Variants in PDYN observed in about 807,000 individuals in gnomAD.
The protein encoded by PDYN is proenkephalin-B.
PDYN carries 5 observed loss-of-function variants against 11.4 expected under a neutral mutation model. The ratio of observed to expected loss-of-function variants is 0.44; its 90% CI spans 0.23 to 0.92. The LOEUF (loss-of-function observed/expected upper bound fraction) is 0.92. Among genes scored for constraint, PDYN ranks in the 40% least tolerant of loss-of-function variants. PDYN has a pLI of 0.24. For missense variants in PDYN, 337 were observed against 317.3 expected (o/e 1.06, Z -0.47); for synonymous variants, 132 against 129.5 (o/e 1.02, Z -0.13).
intron 2 of PDYN, among the ~76,000 whole-genome samples, chr20:1,984,864 A>C (rs1399348920): frequency 1.3e-5 from 2 of 151,784 alleles, no homozygotes; most frequent in Non-Finnish European, 2.9e-5. Flanking sequence ...GTGCCACTGC[A>C]CTCCAGCCTG....
chr20:1,982,888 T>C, intron 3 of PDYN, 68 bp downstream of exon 3: 1 of 1,564,838 alleles, frequency 6.4e-7, no homozygotes, highest in African/African-American at 1.4e-5. Context: ...GCCTGCAACC[T>C]CCCCTCTCTG....
chr20:1,982,469 T>C (rs1461737873), intron 3 of PDYN, among the ~76,000 whole-genome samples: 2 of 151,840 alleles, frequency 1.3e-5, no homozygotes, highest in Non-Finnish European at 2.9e-5. Flanking sequence ...GGAACTTAAC[T>C]CAAAGGAAAG....
rs991043698 is a variant in PDYN, at chr20:1,979,349, TG to T, written c.*973del. The T allele has an allele frequency of 6.6e-6, 1 of 152,390 alleles. No homozygotes were observed. Among genetic ancestry groups the T allele is most frequent in the African/African-American group, 2.4e-5 (1 of 41,448 alleles). The allele number at this position is 152,390 out of a possible 1,614,324, so 9.4% of individuals were successfully genotyped here. ...CAGCCAATTCAGCTGCTCAAGAACA[TG>T]GTTGTGCTTAACTTCATCAGCTTGA... On this transcript the variant is annotated 3_prime_UTR_variant, in exon 4 of 4. Transcript: ENST00000217305.
intron 3 of PDYN, among the ~76,000 whole-genome samples, chr20:1,982,164 G>A (rs1372914985): frequency 6.6e-6 from 1 of 151,412 alleles, no homozygotes; most frequent in Non-Finnish European, 1.5e-5. Context: ...GGCTGAGGCA[G>A]GAGAATCATT....
chr20:1,982,140 C>G (rs1275527512), intron 3 of PDYN, among the ~76,000 whole-genome samples: 1 of 149,588 alleles, frequency 6.7e-6, no homozygotes, highest in Admixed American at 6.6e-5. Context: ...GCCCATAGTC[C>G]CAGCCACTCG....
Position 1,979,034 on chromosome 20 carries a change from G to C in PDYN, c.*1289C>G, listed in dbSNP as rs1987549197. On this transcript the variant is annotated 3_prime_UTR_variant, in exon 4 of 4. Coordinates refer to ENST00000217305, the MANE Select transcript of PDYN (RefSeq NM_024411.5). The stretch of plus-strand genomic sequence containing the variant: ...CTGGACCCACAAACCAAAAGAGAGT[G>C]CCTGGGAATGAGAGAGCAAAAGAGA... 1.3e-5 allele frequency: 2 copies of C among 152,284 alleles called. No homozygotes were observed. The highest frequency in any genetic ancestry group is 3.4e-3 in the Middle Eastern group (1 of 294). 9.4% of individuals were successfully genotyped at this position (152,284 alleles called of 1,614,324 possible). A position where few individuals can be genotyped will look rare whatever the true frequency, so the allele number is the denominator to read the frequency against.
chr20:1,983,250 A>C, intron 2 of PDYN, 147 bp from the exon 3 acceptor site: 1 of 747,018 alleles, frequency 1.3e-6, no homozygotes, highest in South Asian at 1.8e-5. Flanking sequence ...ACAGAGGCCC[A>C]GGGAGGTAAA....
intron 2 of PDYN, among the ~76,000 whole-genome samples, chr20:1,989,969 T>C (rs1336443426): frequency 6.6e-6 from 1 of 152,038 alleles, no homozygotes; most frequent in Non-Finnish European, 1.5e-5. Context: ...GGGATCCAGA[T>C]GGGAAGGTGA....
intron 2 of PDYN, among the ~76,000 whole-genome samples, chr20:1,985,901 G>A (rs1007133582): frequency 6.6e-6 from 1 of 152,184 alleles, no homozygotes; most frequent in Non-Finnish European, 1.5e-5. Context: ...GATCAGCAGT[G>A]AATTAACCTA....
chr20:1,981,907 C>G lies in PDYN; in HGVS notation c.130-949G>C, dbSNP rs187207383. 6.9e-3 allele frequency among the ~76,000 whole-genome samples: 1,037 copies of G among 151,084 alleles called. 10 individuals carry two copies. Among genetic ancestry groups the G allele is most frequent in the Non-Finnish European group, 7.2e-3 (491 of 67,906 alleles). On this transcript the variant is annotated intron_variant, in intron 3 of 3. Transcript: ENST00000217305. ...TGCCACTGCACTCCAGCCTGGGCAA[C>G]AGAGCAAGACTCTGTCTCAAACAAA...
chr20:1,983,767 C>A (rs1214972797), intron 2 of PDYN, among the ~76,000 whole-genome samples: 1 of 152,212 alleles, frequency 6.6e-6, no homozygotes, highest in Non-Finnish European at 1.5e-5. Flanking sequence ...TGTGAACACA[C>A]CCATTGGGTG....
chr20:1,985,732 A>G (rs1367096949), intron 2 of PDYN, among the ~76,000 whole-genome samples: 2 of 151,990 alleles, frequency 1.3e-5, no homozygotes, highest in Non-Finnish European at 2.9e-5. Flanking sequence ...GGCTCAGTGG[A>G]AAAGTCAGGG....
At chr20:1,984,821 C>T (rs2122354307) in intron 2 of PDYN, among the ~76,000 whole-genome samples, 1 of 152,140 alleles carries the variant, frequency 6.6e-6, no homozygotes, top group Non-Finnish European at 1.5e-5. Context: ...ATCATTTGAA[C>T]CCAGGAGGAA....
chr20:1,986,786 A>T (rs1467131611), intron 2 of PDYN, among the ~76,000 whole-genome samples: 1 of 152,176 alleles, frequency 6.6e-6, no homozygotes. Flanking sequence ...ACCACCTGCA[A>T]TTTCAAAACA....
chr20:1,983,867 C>T (rs998581140), intron 2 of PDYN, among the ~76,000 whole-genome samples: 1 of 152,214 alleles, frequency 6.6e-6, no homozygotes. Flanking sequence ...CCAACCACAT[C>T]AGCTTCTTGC....
In PDYN at chr20:1,980,356, C is replaced by G. The variant is rs141248791; in HGVS notation, c.732G>C (p.Pro244=). The change falls in exon 4 of 4, where the codon CCG becomes CCC. Residue 244 remains proline, a synonymous_variant. Coordinates refer to ENST00000217305, the MANE Select transcript of PDYN (RefSeq NM_024411.5). ...CAAAAAGCTCTCCAGAGTAAGCATTCGGATCTTCCTGAGACCGAGTCACCA... is the reference window on the plus strand; with the variant it reads ...CAAAAAGCTCTCCAGAGTAAGCATTGGGATCTTCCTGAGACCGAGTCACCA... ...FKVVTRSQED[P]NAYSGELFDA 1 of 1,614,146 alleles carries G rather than the reference C, an allele frequency of 6.2e-7. No individual in the cohort carries two copies. Among genetic ancestry groups the G allele is most frequent in the Non-Finnish European group, 8.5e-7 (1 of 1,180,034 alleles).
intron 2 of PDYN, among the ~76,000 whole-genome samples, chr20:1,986,881 C>A (rs542424621): frequency 1.3e-5 from 2 of 152,324 alleles, no homozygotes; most frequent in East Asian, 3.9e-4. Context: ...CTCATCCACT[C>A]CCATCACACT....
chr20:1,987,245 A>T (rs2122372542), intron 2 of PDYN, among the ~76,000 whole-genome samples: 2 of 135,916 alleles, frequency 1.5e-5, no homozygotes, highest in South Asian at 5.4e-4. Flanking sequence ...AGTTTGAGTG[A>T]TTGATGAATG....
intron 2 of PDYN, among the ~76,000 whole-genome samples, chr20:1,991,824 A>G (rs1988462473): frequency 6.6e-6 from 1 of 152,232 alleles, no homozygotes; most frequent in Admixed American, 6.5e-5. Context: ...TTTAGGGAGT[A>G]TCGATCAAAA....
Sources: allele counts gnomAD v4.1 joint callset (sites outside exome capture counted in the v4.1 genomes callset), GRCh38; gene constraint gnomAD v4.1.1; transcripts MANE v1.5; gene names NCBI Gene and HGNC (gene_info 2026-07-23, HGNC 2026-07-21).